CTNND2: variants seen among roughly 807,000 people sequenced by gnomAD.
The protein encoded by CTNND2 is catenin delta-2.
A neutral mutation model predicts 144.4 loss-of-function variants in CTNND2; 22 were observed. That is an observed-to-expected ratio of 0.15 (90% CI 0.11 to 0.22). CTNND2 has a LOEUF of 0.22. Ranked by LOEUF, CTNND2 falls within the 10% of genes least tolerant of loss-of-function variation. The probability of loss-of-function intolerance (pLI) is 1.00; values close to 1 mark genes in which losing one functional copy is unlikely to be tolerated. For synonymous variants in CTNND2, 751 were observed against 695.6 expected, an observed-to-expected ratio of 1.08 and a Z score of -1.25; for missense variants, 1,353 against 1,618.8, an observed-to-expected ratio of 0.84 and a Z score of 2.82.
intron 18 of CTNND2, among the ~76,000 whole-genome samples, chr5:10,993,457 T>TTTTTC (rs1356173146): frequency 2.6e-5 from 4 of 152,202 alleles, no homozygotes; most frequent in Non-Finnish European, 5.9e-5. Context: ...TTCCAGTCTT[T>TTTTTC]TTTTCTTTTT....
intron 1 of CTNND2, among the ~76,000 whole-genome samples, chr5:11,791,165 A>G (rs1656422599): frequency 6.6e-6 from 1 of 152,218 alleles, no homozygotes; most frequent in Non-Finnish European, 1.5e-5. Context: ...GTCAGAGGGA[A>G]CATGGCTGTG....
chr5:11,514,894 C>T (rs1772020089), intron 3 of CTNND2, among the ~76,000 whole-genome samples: 1 of 152,106 alleles, frequency 6.6e-6, no homozygotes, highest in Admixed American at 6.5e-5. Flanking sequence ...CTTCCAGCTC[C>T]CAGGTTCAAG....
intron 3 of CTNND2, among the ~76,000 whole-genome samples, chr5:11,529,555 T>C (rs992221741): frequency 3.3e-5 from 5 of 152,210 alleles, no homozygotes; most frequent in African/African-American, 1.2e-4. Flanking sequence ...AATATCCTCA[T>C]GGGAAGATAA....
intron 3 of CTNND2, among the ~76,000 whole-genome samples, chr5:11,479,896 T>G (rs1180652610): frequency 6.6e-6 from 1 of 152,218 alleles, no homozygotes; most frequent in Admixed American, 6.5e-5. Flanking sequence ...TCCTTATAGA[T>G]GTTGAATATT....
intron 16 of CTNND2, among the ~76,000 whole-genome samples, chr5:11,052,579 T>A (rs540469275): frequency 6.6e-6 from 1 of 152,204 alleles, no homozygotes; most frequent in South Asian, 2.1e-4. Context: ...TGGTGGCAAG[T>A]CTTAGCATTG....
At chr5:11,242,006 A>T (rs1041569019) in intron 9 of CTNND2, among the ~76,000 whole-genome samples, 1 of 151,914 alleles carries the variant, frequency 6.6e-6, no homozygotes, top group Non-Finnish European at 1.5e-5. Flanking sequence ...GGGGGCCTCC[A>T]GAGAGGACGG....
intron 15 of CTNND2, among the ~76,000 whole-genome samples, chr5:11,095,638 A>C (rs571141546): frequency 3.3e-4 from 51 of 152,370 alleles, no homozygotes; most frequent in African/African-American, 1.2e-3. Context: ...CGTACAGACT[A>C]AATTCTCTTC....
intron 15 of CTNND2, 22 bp downstream of exon 15, chr5:11,098,553 T>C: frequency 6.3e-7 from 1 of 1,590,868 alleles, no homozygotes; most frequent in Non-Finnish European, 8.5e-7. Context: ...GATTTCTTTT[T>C]ATTGTAATGA....
intron 1 of CTNND2, among the ~76,000 whole-genome samples, chr5:11,842,237 G>C (rs1013301495): frequency 1.3e-5 from 2 of 152,124 alleles, no homozygotes; most frequent in Non-Finnish European, 2.9e-5. Flanking sequence ...CTTAAGGGGA[G>C]GCAGCAATTC....
intron 3 of CTNND2, among the ~76,000 whole-genome samples, chr5:11,422,505 A>G (rs1272389064): frequency 6.6e-6 from 1 of 152,202 alleles, no homozygotes; most frequent in Admixed American, 6.5e-5. Flanking sequence ...ACAATTGTCC[A>G]AGCAACTGAC....
chr5:11,648,042 T>A (rs1373466733), intron 2 of CTNND2, among the ~76,000 whole-genome samples: 1 of 152,220 alleles, frequency 6.6e-6, no homozygotes. Context: ...AATCTGGATT[T>A]AGTACATTTC....
intron 1 of CTNND2, among the ~76,000 whole-genome samples, chr5:11,869,740 A>G (rs1303674563): frequency 6.6e-6 from 1 of 152,238 alleles, no homozygotes; most frequent in East Asian, 1.9e-4. Flanking sequence ...GTATGCTTTA[A>G]TGCAATAAAA....
intron 3 of CTNND2, among the ~76,000 whole-genome samples, chr5:11,493,302 A>T (rs1361199647): frequency 6.6e-6 from 1 of 152,140 alleles, no homozygotes; most frequent in African/African-American, 2.4e-5. Context: ...TATCAGGGAT[A>T]ACTGAGGTAC....
At chr5:11,723,574 C>T (rs926527213) in intron 2 of CTNND2, among the ~76,000 whole-genome samples, 5 of 152,178 alleles carry the variant, frequency 3.3e-5, no homozygotes, top group Admixed American at 6.5e-5. Flanking sequence ...TTAAGCAACG[C>T]ATTTACTTTT....
chr5:11,404,707 T>C (rs1760946270), intron 5 of CTNND2, among the ~76,000 whole-genome samples: 2 of 144,506 alleles, frequency 1.4e-5, no homozygotes, highest in South Asian at 4.8e-4. Context: ...AACCTCTGCT[T>C]CCCAGGTTCA....
chr5:11,438,064 A>G (rs187555114), intron 3 of CTNND2, among the ~76,000 whole-genome samples: 1 of 152,316 alleles, frequency 6.6e-6, no homozygotes, highest in African/African-American at 2.4e-5. Context: ...ACTGATGCTG[A>G]TGAGAGTCTT....
intron 1 of CTNND2, among the ~76,000 whole-genome samples, chr5:11,819,922 T>C (rs1793222326): frequency 1.3e-5 from 2 of 152,172 alleles, no homozygotes; most frequent in Admixed American, 1.3e-4. Flanking sequence ...CTAAGCAAGC[T>C]CTTCCCTGAC....
chr5:11,035,173 A>C (rs547418629), intron 16 of CTNND2, among the ~76,000 whole-genome samples: 1 of 151,898 alleles, frequency 6.6e-6, no homozygotes, highest in Admixed American at 6.6e-5. Flanking sequence ...CAGTGCTTTA[A>C]AACTAGATAC....
intron 3 of CTNND2, among the ~76,000 whole-genome samples, chr5:11,416,906 A>T (rs931294081): frequency 6.6e-6 from 1 of 152,192 alleles, no homozygotes; most frequent in South Asian, 2.1e-4. Flanking sequence ...GTTTGAATAT[A>T]CCTAAATATA....
Sources: gnomAD v4.1 joint callset for allele counts (sites outside exome capture counted in the v4.1 genomes callset) on GRCh38, gnomAD v4.1.1 for gene constraint, MANE v1.5 for transcripts, NCBI Gene and HGNC (gene_info 2026-07-23, HGNC 2026-07-21) for gene names.